The following DNAH6 variants were observed in gnomAD, a reference collection of about 807,000 sequenced individuals.
DNAH6 encodes dynein axonemal heavy chain 6, also known as axonemal beta dynein heavy chain 6.
Under a neutral mutation model 491.4 loss-of-function variants are expected in DNAH6, and 340 were observed. The observed-to-expected ratio is 0.69, with a 90% confidence interval of 0.63 to 0.76. DNAH6 has a LOEUF of 0.76. Among genes scored for constraint, DNAH6 ranks in the 30% least tolerant of loss-of-function variants. The pLI, the probability that DNAH6 is intolerant of heterozygous loss-of-function variation, is 0.00. For synonymous variants in DNAH6, 1,603 were observed against 1,686.1 expected (o/e 0.95, Z 1.21); for missense variants, 4,443 against 4,972.2 (o/e 0.89, Z 3.20).
chr2:84,615,534 A>G (rs964424942), intron 22 of DNAH6, among the ~76,000 whole-genome samples: 7 of 151,928 alleles, frequency 4.6e-5, no homozygotes, highest in Non-Finnish European at 4.4e-5. Flanking sequence ...TTTTGGTTCC[A>G]TATGAAATTT....
Position 84,634,647 on chromosome 2 carries a change from G to A in DNAH6, c.4653+6G>A. On this transcript the variant is annotated splice_donor_region_variant and intron_variant, in intron 30 of 76. Coordinates refer to ENST00000389394, the MANE Select transcript of DNAH6 (RefSeq NM_001370.2). ...GGAACGCCAAAGCGGCAAAGGTAAG[G>A]CACTGGGCAATCGACTTTCAAGGTA... 6.6e-7 allele frequency: 1 copy of A among 1,509,678 alleles called. No homozygotes were observed. Among genetic ancestry groups the A allele is most frequent in the Non-Finnish European group, 8.8e-7 (1 of 1,130,842 alleles). 93.5% of individuals were successfully genotyped at this position (1,509,678 alleles called of 1,614,324 possible).
chr2:84,654,770 T>G lies in DNAH6; in HGVS notation c.5745T>G (p.Gly1915=), dbSNP rs1573374648. Residue 1915 remains glycine, a synonymous_variant, in exon 35 of 77, where the codon GGT becomes GGG. Transcript: ENST00000389394. ...WMPYVKTWMK[G]ISKKLTEETQ... ...CTTATGTTAAAACTTGGATGAAGGG[T>G]ATTTCTAAAAAAGTAAGTGCCATCA... The G allele has an allele frequency of 6.4e-7, 1 of 1,550,754 alleles. No homozygotes were observed. The highest frequency in any genetic ancestry group is 8.7e-7 in the Non-Finnish European group (1 of 1,146,106).
intron 40 of DNAH6, among the ~76,000 whole-genome samples, 169 bp downstream of exon 40, chr2:84,672,653 T>C (rs910512278): frequency 1.2e-4 from 18 of 152,106 alleles, no homozygotes; most frequent in African/African-American, 4.3e-4. Flanking sequence ...ACAAGGTGTC[T>C]GCAGGATTGG....
the DNAH6 span, among the ~76,000 whole-genome samples, chr2:84,468,271 G>T: frequency 6.6e-6 from 1 of 152,100 alleles, no homozygotes; most frequent in Non-Finnish European, 1.5e-5. Context: ...TACACACAAA[G>T]ACAGAAGAAG....
At chr2:84,508,547 T>G in the DNAH6 span, among the ~76,000 whole-genome samples, 2 of 152,134 alleles carry the variant, frequency 1.3e-5, no homozygotes, top group Non-Finnish European at 2.9e-5. Flanking sequence ...TTTTGAAGGG[T>G]TTTTATGTCT....
At chr2:84,547,802 C>T (rs1678922159) in intron 7 of DNAH6, among the ~76,000 whole-genome samples, 190 bp downstream of exon 7, 1 of 152,124 alleles carries the variant, frequency 6.6e-6, no homozygotes, top group African/African-American at 2.4e-5. Context: ...ATGTTTCTCC[C>T]ATTACTCCTG....
At chr2:84,501,858 G>A in the DNAH6 span, among the ~76,000 whole-genome samples, 1 of 151,452 alleles carries the variant, frequency 6.6e-6, no homozygotes, top group East Asian at 2.0e-4. Flanking sequence ...AATTTCTGCA[G>A]TATCAGTTGT....
At chr2:84,465,043 G>A in the DNAH6 span, among the ~76,000 whole-genome samples, 1 of 152,172 alleles carries the variant, frequency 6.6e-6, no homozygotes. Context: ...ACTTCTTCAG[G>A]CTGAATGAGG....
chr2:84,517,360 C>T (rs1433733090), intron 1 of DNAH6, among the ~76,000 whole-genome samples: 1 of 152,206 alleles, frequency 6.6e-6, no homozygotes, highest in African/African-American at 2.4e-5. Context: ...GAAATTAGCC[C>T]TCAATTCTTT....
intron 33 of DNAH6, among the ~76,000 whole-genome samples, chr2:84,642,669 C>T (rs1175041238): frequency 1.3e-5 from 2 of 152,002 alleles, no homozygotes; most frequent in African/African-American, 4.8e-5. Context: ...ACATTTACAA[C>T]TAATCTAAGC....
At position 84,771,882 on chromosome 2, in the gene DNAH6, G is replaced by A. The variant is rs112867365; in HGVS notation, c.10703+8937G>A. 4.9e-3 allele frequency among the ~76,000 whole-genome samples: 745 copies of A among 152,242 alleles called. 5 individuals carry two copies. Among genetic ancestry groups the A allele is most frequent in the Middle Eastern group, 0.014 (4 of 294 alleles). On this transcript the variant is annotated intron_variant, in intron 64 of 76. Coordinates refer to ENST00000389394, the MANE Select transcript of DNAH6 (RefSeq NM_001370.2). ...ACTAGACAGTAAACTGAATTCACAC[G>A]AAGAAATAAATAACACAAGTAAGCG...
the DNAH6 span, among the ~76,000 whole-genome samples, chr2:84,478,645 G>A: frequency 1.3e-5 from 2 of 152,108 alleles, no homozygotes; most frequent in Admixed American, 6.5e-5. Flanking sequence ...TGAATACCCT[G>A]TGTGCAAGAG....
chr2:84,765,419 G>C (rs1287960060), intron 64 of DNAH6, among the ~76,000 whole-genome samples: 1 of 152,048 alleles, frequency 6.6e-6, no homozygotes, highest in African/African-American at 2.4e-5. Flanking sequence ...TAGAATTCAA[G>C]ATGACAATTA....
At chr2:84,593,881 T>A in intron 16 of DNAH6, 91 bp from the exon 17 acceptor site, 2 of 560,970 alleles carry the variant, frequency 3.6e-6, no homozygotes, top group East Asian at 3.9e-5. Context: ...TTCCAAGCAA[T>A]CACTGTACCA....
intron 34 of DNAH6, 31 bp downstream of exon 34, chr2:84,653,905 C>A (rs1690698821): frequency 6.0e-6 from 9 of 1,490,622 alleles, no homozygotes; most frequent in Admixed American, 2.3e-5. Flanking sequence ...GGAGTGAAAT[C>A]ATTCATTAAA....
Position 84,714,686 on chromosome 2 carries a change from G to C in DNAH6, c.9544-874G>C, listed in dbSNP as rs143597819. Among the ~76,000 whole-genome samples the C allele has an allele frequency of 9.2e-5, 14 of 151,902 alleles. No homozygotes were observed. The East Asian group carries it at 2.6e-3, about 28-fold the overall frequency. On this transcript the variant is annotated intron_variant, in intron 57 of 76. Coordinates refer to ENST00000389394, the MANE Select transcript of DNAH6 (RefSeq NM_001370.2). ...CCTCCAAAAAAGAAGTGTGACCAACGTGCCAACTTTCACTCTTTGATTTCT... is the reference window on the plus strand; with the variant it reads ...CCTCCAAAAAAGAAGTGTGACCAACCTGCCAACTTTCACTCTTTGATTTCT...
At chr2:84,645,429 T>G (rs1689801432) in intron 33 of DNAH6, among the ~76,000 whole-genome samples, 2 of 151,980 alleles carry the variant, frequency 1.3e-5, no homozygotes, top group South Asian at 4.1e-4. Flanking sequence ...CAAAAAATAA[T>G]AATAATAATA....
At chr2:84,744,716 A>G (rs1054138050) in intron 62 of DNAH6, among the ~76,000 whole-genome samples, 9 of 152,146 alleles carry the variant, frequency 5.9e-5, no homozygotes, top group Admixed American at 3.3e-4. Context: ...TATTAATATA[A>G]GAACCTACTT....
intron 22 of DNAH6, among the ~76,000 whole-genome samples, chr2:84,613,548 A>G (rs1342587088): frequency 6.6e-6 from 1 of 152,088 alleles, no homozygotes; most frequent in Non-Finnish European, 1.5e-5. Context: ...CAAGACATGG[A>G]TCTTATCCCT....
Sources: allele counts gnomAD v4.1 joint callset (sites outside exome capture counted in the v4.1 genomes callset), GRCh38; gene constraint gnomAD v4.1.1; transcripts MANE v1.5; gene names NCBI Gene and HGNC (gene_info 2026-07-23, HGNC 2026-07-21).